WRN: variants seen among roughly 807,000 people sequenced by gnomAD.
WRN encodes WRN RecQ like helicase.
A neutral mutation model predicts 180.7 loss-of-function variants in WRN; 149 were observed. The observed-to-expected ratio is 0.82, with a 90% CI of 0.72 to 0.94. The LOEUF (loss-of-function observed/expected upper bound fraction) is 0.94, where lower values mean the gene tolerates loss of function less well. WRN is among the 40% of genes least tolerant of loss of function. WRN has a pLI of 0.00. For synonymous variants in WRN, 548 were observed against 568.9 expected (o/e 0.96, Z 0.52); for missense variants, 1,661 against 1,700.1 (o/e 0.98, Z 0.40).
chr8:31,067,351 G>A (rs554971532), intron 6 of WRN, among the ~76,000 whole-genome samples, 169 bp downstream of exon 6: 129 of 152,208 alleles, frequency 8.5e-4, no homozygotes, highest in African/African-American at 2.9e-3. Flanking sequence ...ATTCATTTTC[G>A]ATATTAATTA....
chr8:31,082,266 C>A (rs1161379475), intron 9 of WRN, among the ~76,000 whole-genome samples: 4 of 152,044 alleles, frequency 2.6e-5, no homozygotes, highest in Non-Finnish European at 5.9e-5. Flanking sequence ...TATTTTATTT[C>A]ACGATAAATA....
At position 31,139,480 on chromosome 8, in the gene WRN, C is replaced by T. The variant is rs555912715; in HGVS notation, c.2968-1950C>T. 7.9e-5 allele frequency among the ~76,000 whole-genome samples: 12 copies of T among 152,224 alleles called. 1 individual carries two copies. Among genetic ancestry groups the T allele is most frequent in the Admixed American group, 5.9e-4 (9 of 15,286 alleles). ...CAAGGTTCCACTGCAAAATAGTTCA[C>T]CAAGGGAGCTGTGGCCTCTTCTGTG... On this transcript the variant is annotated intron_variant, in intron 24 of 34. Coordinates refer to ENST00000298139, the MANE Select transcript of WRN (RefSeq NM_000553.6).
At chr8:31,052,555 T>C (rs1178477898) in intron 1 of WRN, among the ~76,000 whole-genome samples, 1 of 152,018 alleles carries the variant, frequency 6.6e-6, no homozygotes, top group African/African-American at 2.4e-5. Flanking sequence ...GTCCAGCTAA[T>C]TTTTGTATTT....
intron 8 of WRN, 140 bp downstream of exon 8, chr8:31,076,427 T>C (rs1813099158): frequency 1.4e-6 from 1 of 692,426 alleles, no homozygotes; most frequent in Admixed American, 2.6e-5. Flanking sequence ...GACTGATGCA[T>C]AAATTTGAGA....
chr8:31,107,307 G>C (rs1801135151), intron 18 of WRN, among the ~76,000 whole-genome samples: 1 of 152,130 alleles, frequency 6.6e-6, no homozygotes, highest in Non-Finnish European at 1.5e-5. Flanking sequence ...ATTACTTTCT[G>C]TAATCCTTTC....
At chr8:31,097,909 T>C (rs1814059575) in intron 17 of WRN, among the ~76,000 whole-genome samples, 1 of 152,236 alleles carries the variant, frequency 6.6e-6, no homozygotes, top group African/African-American at 2.4e-5. Flanking sequence ...CAATATCATA[T>C]GATCTTTTTG....
chr8:31,116,617 C>T (rs1801534301), intron 20 of WRN, 89 bp downstream of exon 20: 2 of 1,552,338 alleles, frequency 1.3e-6, no homozygotes, highest in East Asian at 2.3e-5. Flanking sequence ...TTATTGAATA[C>T]TTTCTTTGTG....
intron 2 of WRN, 52 bp downstream of exon 2, chr8:31,058,595 A>G (rs1812366592): frequency 3.2e-6 from 5 of 1,565,234 alleles, no homozygotes; most frequent in South Asian, 1.2e-5. Flanking sequence ...TTTATATTTG[A>G]CTGTGCAAAG....
At chr8:31,068,185 T>A (rs1043424211) in intron 6 of WRN, 73 bp from the exon 7 acceptor site, 1 of 1,132,472 alleles carries the variant, frequency 8.8e-7, no homozygotes, top group Admixed American at 2.1e-5. Context: ...CTTCGATTTT[T>A]CTGAAGATGG....
chr8:31,070,994 T>C (rs1812892854), intron 7 of WRN, among the ~76,000 whole-genome samples: 1 of 146,814 alleles, frequency 6.8e-6, no homozygotes, highest in Non-Finnish European at 1.5e-5. Flanking sequence ...TGTAGTGAGC[T>C]GAGATTGCAC....
chr8:31,049,591 G>A (rs1812010476), intron 1 of WRN, among the ~76,000 whole-genome samples: 1 of 151,300 alleles, frequency 6.6e-6, no homozygotes, highest in Non-Finnish European at 1.5e-5. Flanking sequence ...AAGAAGCATT[G>A]GATAAATGAA....
chr8:31,089,177 T>C (rs1813650219), intron 13 of WRN, among the ~76,000 whole-genome samples: 2 of 152,106 alleles, frequency 1.3e-5, no homozygotes, highest in South Asian at 4.1e-4. Flanking sequence ...TGAGGAAAAA[T>C]GGTTTTCCTT....
intron 31 of WRN, among the ~76,000 whole-genome samples, chr8:31,154,082 T>C (rs901314093): frequency 1.3e-5 from 2 of 151,980 alleles, no homozygotes; most frequent in Non-Finnish European, 2.9e-5. Flanking sequence ...ATCTTGTTTT[T>C]CAGTTTTTCC....
intron 2 of WRN, 86 bp downstream of exon 2, chr8:31,058,629 C>A (rs1812367853): frequency 7.2e-7 from 1 of 1,394,818 alleles, no homozygotes; most frequent in African/African-American, 1.4e-5. Context: ...TTGTAAACTT[C>A]AAGTCATTGT....
At chr8:31,156,926 C>T (rs1242749081) in intron 32 of WRN, among the ~76,000 whole-genome samples, 2 of 152,172 alleles carry the variant, frequency 1.3e-5, no homozygotes. Flanking sequence ...CTTATGTTAT[C>T]TCTAAGCATT....
chr8:31,166,279 G>A (rs751653144), intron 33 of WRN, among the ~76,000 whole-genome samples: 14 of 152,042 alleles, frequency 9.2e-5, no homozygotes, highest in Non-Finnish European at 1.6e-4. Flanking sequence ...AAACTGCTTG[G>A]GTTTACCGCA....
chr8:31,120,149 G>C (rs1801667415), intron 20 of WRN, 94 bp from the exon 21 acceptor site: 1 of 1,490,222 alleles, frequency 6.7e-7, no homozygotes, highest in African/African-American at 1.4e-5. Context: ...AGGGACTTAA[G>C]TTAACGAACA....
At chr8:31,109,716 G>T (rs1161863014) in intron 18 of WRN, among the ~76,000 whole-genome samples, 1 of 152,112 alleles carries the variant, frequency 6.6e-6, no homozygotes, top group Non-Finnish European at 1.5e-5. Flanking sequence ...AACTTTATGA[G>T]ATTGGCACTG....
intron 5 of WRN, 64 bp downstream of exon 5, chr8:31,065,127 T>C (rs1678811333): frequency 6.5e-7 from 1 of 1,530,970 alleles, no homozygotes; most frequent in Non-Finnish European, 8.9e-7. Flanking sequence ...GAATGTACTT[T>C]CTATCTGAAT....
Sources: allele counts gnomAD v4.1 joint callset (sites outside exome capture counted in the v4.1 genomes callset), GRCh38; gene constraint gnomAD v4.1.1; transcripts MANE v1.5; gene names NCBI Gene and HGNC (gene_info 2026-07-23, HGNC 2026-07-21).